Variants in MALSU1 observed in about 807,000 individuals in gnomAD.
MALSU1 encodes mitochondrial assembly of ribosomal large subunit 1, also known as mitochondrial assembly of ribosomal large subunit protein 1.
MALSU1 carries 22 observed loss-of-function variants against 22.1 expected under a neutral mutation model. The observed-to-expected ratio is 1.00, with a 90% CI of 0.71 to 1.42. The LOEUF (loss-of-function observed/expected upper bound fraction) is 1.42. Ranked by LOEUF, MALSU1 falls within the 40% of genes most tolerant of loss-of-function variation. The pLI, the probability that MALSU1 is intolerant of heterozygous loss-of-function variation, is 0.00. For missense variants in MALSU1, 379 were observed against 308.3 expected, an observed-to-expected ratio of 1.23 and a Z score of -1.72; for synonymous variants, 153 against 118.5, an observed-to-expected ratio of 1.29 and a Z score of -1.89.
In MALSU1 at chr7:23,299,409, G is replaced by C. The variant is rs759583526; in HGVS notation, c.57G>C (p.Ala19=). 2 of 1,600,530 alleles carry C rather than the reference G, an allele frequency of 1.2e-6. No individual in the cohort carries two copies. The highest frequency in any genetic ancestry group is 2.2e-5 in the South Asian group (2 of 90,564). ...RLLAPLMWRR[A]VSSVAGSAVG... is the part of the protein sequence containing the mutation. ...TCGCCCCACTAATGTGGCGCAGGGC[G>C]GTTTCCTCGGTGGCGGGGTCCGCGG... Residue 19 remains alanine, a synonymous_variant, in exon 1 of 4, where the codon GCG becomes GCC. Transcript: ENST00000466681.
At chr7:23,307,427 A>C (rs1473465993) in intron 2 of MALSU1, among the ~76,000 whole-genome samples, 1 of 152,210 alleles carries the variant, frequency 6.6e-6, no homozygotes, top group Non-Finnish European at 1.5e-5. Context: ...TTATAGGATG[A>C]CGGGGTCCCA....
In MALSU1 at chr7:23,300,983, ACTTACATGCCATGGC is replaced by A. The variant is rs753682012; in HGVS notation, c.405_419del (p.Leu135_Ala139del). On this transcript the variant is annotated inframe_deletion, in exon 2 of 4. Transcript: ENST00000466681. ...ATTGTTAGTGGAACTTCTACCCGAC[ACTTACATGCCATGGC>A]CTTCTACGTTGTGAAAATGGTAGGA... is the stretch of plus-strand genomic sequence containing the variant. 1.2e-6 allele frequency: 2 copies of A among 1,613,866 alleles called. No individual in the cohort carries two copies. Among genetic ancestry groups the A allele is most frequent in the Non-Finnish European group, 8.5e-7 (1 of 1,179,980 alleles).
intron 3 of MALSU1, among the ~76,000 whole-genome samples, chr7:23,308,822 G>C (rs1783760444): frequency 6.6e-6 from 1 of 152,152 alleles, no homozygotes; most frequent in African/African-American, 2.4e-5. Flanking sequence ...TGGGGGAGGG[G>C]TGTCTCTTGT....
rs200513830 is a variant in MALSU1, at chr7:23,299,539, A to G, written c.187A>G (p.Ser63Gly). The change falls in exon 1 of 4, where the codon AGC becomes GGC. Residue 63 changes from serine to glycine, a missense_variant. Transcript: ENST00000466681. ...QTPNFVRGLH[S>G]EPGLEERAEG... ...CCCAAACTTTGTCCGCGGCCTGCACAGCGAGCCTGGGCTGGAGGAGCGGGC... is the reference window on the plus strand; with the variant it reads ...CCCAAACTTTGTCCGCGGCCTGCACGGCGAGCCTGGGCTGGAGGAGCGGGC... 7.4e-5 allele frequency: 120 copies of G among 1,612,410 alleles called. No individual in the cohort carries two copies. Among genetic ancestry groups the G allele is most frequent in the Middle Eastern group, 3.3e-4 (2 of 6,060 alleles).
chr7:23,306,236 T>C (rs918366263), intron 2 of MALSU1, among the ~76,000 whole-genome samples: 5 of 152,180 alleles, frequency 3.3e-5, no homozygotes, highest in Non-Finnish European at 7.3e-5. Context: ...ATTCTGCTAT[T>C]GTAAATGGAA....
At chr7:23,300,815 CA>C (rs774582331) in intron 1 of MALSU1, 23 bp from the exon 2 acceptor site, 2 of 1,603,650 alleles carry the variant, frequency 1.2e-6, no homozygotes, top group Non-Finnish European at 1.7e-6. Flanking sequence ...CATCCTGATA[CA>C]AACAACTATT....
rs1382182131 is a variant in MALSU1, at chr7:23,309,585, A to G, written c.*42A>G. ...CGTTAGTCATTTCAGATTTGGATTG[A>G]GTCACTTATTGGAAAATACAGCTCC... On this transcript the variant is annotated 3_prime_UTR_variant, in exon 4 of 4. Transcript: ENST00000466681. 3 of 1,492,948 alleles carry G rather than the reference A, an allele frequency of 2.0e-6. No individual in the cohort carries two copies. The highest frequency in any genetic ancestry group is 4.6e-5 in the East Asian group (2 of 43,388). 92.5% of individuals were successfully genotyped at this position (1,492,948 alleles called of 1,614,324 possible). A position where few individuals can be genotyped will look rare whatever the true frequency, so the allele number is the denominator to read the frequency against.
intron 2 of MALSU1, among the ~76,000 whole-genome samples, chr7:23,306,688 TATC>T (rs1298018239): frequency 6.6e-6 from 1 of 152,236 alleles, no homozygotes; most frequent in African/African-American, 2.4e-5. Context: ...CAGTTCAGAT[TATC>T]ATATAGATTT....
intron 2 of MALSU1, among the ~76,000 whole-genome samples, chr7:23,306,374 T>C (rs531924530): frequency 6.6e-6 from 1 of 152,156 alleles, no homozygotes; most frequent in Non-Finnish European, 1.5e-5. Flanking sequence ...TTTCTACATA[T>C]GAAGTTGTAT....
At chr7:23,302,460 C>G (rs1264768786) in intron 2 of MALSU1, among the ~76,000 whole-genome samples, 1 of 152,146 alleles carries the variant, frequency 6.6e-6, no homozygotes, top group Non-Finnish European at 1.5e-5. Context: ...ACACAAAACC[C>G]TGGTACATGA....
Position 23,309,379 on chromosome 7 carries a change from C to T in MALSU1, c.541C>T (p.Leu181Phe), listed in dbSNP as rs777754045. Residue 181 changes from leucine (L) to phenylalanine (F), a missense_variant, in exon 4 of 4, where the codon CTT becomes TTT. Transcript: ENST00000466681. ...DFGSMVIHLM[L>F]PETREIYELE... ...AGGCAGCATGGTGATTCATTTGATG[C>T]TTCCAGAAACCAGAGAAATCTATGA... The T allele has an allele frequency of 9.3e-6, 15 of 1,611,162 alleles. No homozygotes were observed. The South Asian group carries it at 1.5e-4, about 17-fold the overall frequency.
rs116620303 is a variant in MALSU1, at chr7:23,308,778, G to A, written c.518-578G>A. Reference sequence around the variant, plus strand: ...GCTCTGATGGTTTCTCACTTTTGTCGCTATTAACGTTTTGGACCAGGTAAT... The same window carrying A: ...GCTCTGATGGTTTCTCACTTTTGTCACTATTAACGTTTTGGACCAGGTAAT... On this transcript the variant is annotated intron_variant, in intron 3 of 3. Coordinates refer to ENST00000466681, the MANE Select transcript of MALSU1 (RefSeq NM_138446.2). Among the ~76,000 whole-genome samples the A allele has an allele frequency of 3.1e-3, 474 of 152,196 alleles. 4 individuals carry two copies. Among genetic ancestry groups the A allele is most frequent in the African/African-American group, 0.011 (458 of 41,528 alleles).
At chr7:23,306,343 T>G (rs1783722507) in intron 2 of MALSU1, among the ~76,000 whole-genome samples, 1 of 152,226 alleles carries the variant, frequency 6.6e-6, no homozygotes, top group Non-Finnish European at 1.5e-5. Flanking sequence ...AACTGGGTTT[T>G]TTTTGTGGAA....
Position 23,300,900 on chromosome 7 carries a change from A to C in MALSU1, c.318A>C (p.Ala106=), listed in dbSNP as rs139685066. The change falls in exon 2 of 4, where the codon GCA becomes GCC. Residue 106 remains alanine, a synonymous_variant. Transcript: ENST00000466681. The part of the protein sequence containing the change: ...MMVSLLRQEN[A]RDICVIQVPP... ...TTTCACTTCTGAGGCAAGAAAATGC[A>C]AGAGACATTTGTGTGATCCAGGTTC... is the stretch of plus-strand genomic sequence containing the variant. 171 of 1,614,120 alleles carry C rather than the reference A, an allele frequency of 1.1e-4. No individual in the cohort carries two copies. Among genetic ancestry groups the C allele is most frequent in the Non-Finnish European group, 1.4e-4 (162 of 1,179,988 alleles).
At position 23,310,706 on chromosome 7, in the gene MALSU1, A is replaced by C. The variant is rs1224545135; in HGVS notation, c.*1163A>C. The C allele has an allele frequency of 6.6e-6, 1 of 152,238 alleles. No individual in the cohort carries two copies. The highest frequency in any genetic ancestry group is 1.9e-4 in the East Asian group (1 of 5,200). The allele number at this position is 152,238 out of a possible 1,614,324, so 9.4% of individuals were successfully genotyped here. On this transcript the variant is annotated 3_prime_UTR_variant, in exon 4 of 4. Coordinates refer to ENST00000466681, the MANE Select transcript of MALSU1 (RefSeq NM_138446.2). ...GAGAACATTAAGGAAAACACTTTAA[A>C]TCATTTTCAAAATGTCTAATTGATC...
In MALSU1 at chr7:23,301,002, C is replaced by A. The variant is rs772586300; in HGVS notation, c.420C>A (p.Phe140Leu). Residue 140 changes from phenylalanine to leucine, a missense_variant, in exon 2 of 4, where the codon TTC becomes TTA. Transcript: ENST00000466681. ...CCCGACACTTACATGCCATGGCCTT[C>A]TACGTTGTGAAAATGGTAGGATGCT... is the stretch of plus-strand genomic sequence containing the variant. ...TSTRHLHAMA[F>L]YVVKMYKHLK... is the part of the protein sequence containing the mutation. 16 of 1,612,960 alleles carry A rather than the reference C, an allele frequency of 9.9e-6. No individual in the cohort carries two copies. The highest frequency in any genetic ancestry group is 1.4e-5 in the Non-Finnish European group (16 of 1,179,402).
chr7:23,303,565 G>C (rs1204699032), intron 2 of MALSU1, among the ~76,000 whole-genome samples: 3 of 152,162 alleles, frequency 2.0e-5, no homozygotes, highest in Non-Finnish European at 2.9e-5. Context: ...GAGAGGCCAA[G>C]GTGGGCGGAT....
intron 1 of MALSU1, among the ~76,000 whole-genome samples, chr7:23,300,133 G>C: frequency 6.6e-6 from 1 of 152,178 alleles, no homozygotes. Flanking sequence ...CTTTGGAGTC[G>C]GCTTTAGAAC....
At chr7:23,308,690 A>C (rs1465892677) in intron 3 of MALSU1, among the ~76,000 whole-genome samples, 1 of 152,150 alleles carries the variant, frequency 6.6e-6, no homozygotes, top group Non-Finnish European at 1.5e-5. Context: ...CACAGTTGTA[A>C]AACTGGAACT....
Sources: gnomAD v4.1 joint callset for allele counts (sites outside exome capture counted in the v4.1 genomes callset) on GRCh38, gnomAD v4.1.1 for gene constraint, MANE v1.5 for transcripts, NCBI Gene and HGNC (gene_info 2026-07-23, HGNC 2026-07-21) for gene names.